The following TPMT variants were observed in gnomAD, a reference collection of about 807,000 sequenced individuals.
TPMT encodes S-adenosyl-L-methionine:thiopurine S-methyltransferase.
TPMT carries 18 observed loss-of-function variants against 34.2 expected under a neutral mutation model. The ratio of observed to expected loss-of-function variants is 0.53; its 90% CI spans 0.36 to 0.78. The LOEUF is 0.78. TPMT is among the 30% of genes least tolerant of loss of function. The pLI is 0.00. For missense variants in TPMT, 265 were observed against 288.1 expected, an observed-to-expected ratio of 0.92 and a Z score of 0.58; for synonymous variants, 69 against 92.4, an observed-to-expected ratio of 0.75 and a Z score of 1.45.
chr6:18,130,891 C>A lies in TPMT; in HGVS notation c.626-111G>T, dbSNP rs150972097. 2.1e-3 allele frequency: 1,766 copies of A among 824,628 alleles called. 17 individuals carry two copies. In the African/African-American group the frequency reaches 0.025, roughly 12 times the overall value. 51.1% of individuals were successfully genotyped at this position (824,628 alleles called of 1,614,324 possible). A position where few individuals can be genotyped will look rare whatever the true frequency, so the allele number is the denominator to read the frequency against. On this transcript the variant is annotated intron_variant, in intron 8 of 8. Coordinates refer to ENST00000309983, the MANE Select transcript of TPMT (RefSeq NM_000367.5). The surrounding 1 kb of genome is among the most constrained non-coding windows in gnomAD (Gnocchi z 4.2). ...CGGTGGCTCACACCTGTAATCCCAA[C>A]ACTTTGGGAGGCCGAGGCAGGTGGA...
At position 18,147,129 on chromosome 6, in the gene TPMT, C is replaced by A. The variant is rs1784262295; in HGVS notation, c.233+694G>T. 1.3e-5 allele frequency among the ~76,000 whole-genome samples: 2 copies of A among 151,388 alleles called. 1 individual carries two copies. Among genetic ancestry groups the A allele is most frequent in the South Asian group, 4.1e-4 (2 of 4,830 alleles). On this transcript the variant is annotated intron_variant, in intron 3 of 8. Coordinates refer to ENST00000309983, the MANE Select transcript of TPMT (RefSeq NM_000367.5). ...TTCATACATTCTTTTTTCTTTCCTG[C>A]TCAGTGGTCAAAGTTCTCAACATTC...
rs1031331359 is a variant in TPMT, at chr6:18,143,036, T to C, written c.366+560A>G. 2.6e-5 allele frequency among the ~76,000 whole-genome samples: 4 copies of C among 152,084 alleles called. No homozygotes were observed. The highest frequency in any genetic ancestry group is 9.7e-5 in the African/African-American group (4 of 41,414). On this transcript the variant is annotated intron_variant, in intron 4 of 8. Coordinates refer to ENST00000309983, the MANE Select transcript of TPMT (RefSeq NM_000367.5). This position sits in a 1 kb window ranked among gnomAD's most constrained non-coding sequence, Gnocchi z 6.1. ...TATGAGGCCTCATGGGTGATTTAAG[T>C]AGTATCTTCCCGAGGTGTCCAAGAC...
rs980203988 is a variant in TPMT at position 18,131,996 on chromosome 6, C to A, written c.625+137G>T. Reference sequence around the variant, plus strand: ...TTCGCCATGTTGGCCAGGCTGGTCTCGAACTCCTGGCCTCAGGTGATCTGC... The same window carrying A: ...TTCGCCATGTTGGCCAGGCTGGTCTAGAACTCCTGGCCTCAGGTGATCTGC... On this transcript the variant is annotated intron_variant, in intron 8 of 8. Transcript: ENST00000309983. This position sits in a 1 kb window ranked among gnomAD's most constrained non-coding sequence, Gnocchi z 4.3. The A allele has an allele frequency of 1.2e-6, 1 of 843,402 alleles. No homozygotes were observed. Among genetic ancestry groups the A allele is most frequent in the Admixed American group, 1.9e-5 (1 of 52,108 alleles). The allele number at this position is 843,402 out of a possible 1,614,324, so 52.2% of individuals were successfully genotyped here.
Position 18,130,834 on chromosome 6 carries a change from T to C in TPMT, c.626-54A>G. 2 of 1,489,414 alleles carry C rather than the reference T, an allele frequency of 1.3e-6. No individual in the cohort carries two copies. The allele number at this position is 1,489,414 out of a possible 1,614,324, so 92.3% of individuals were successfully genotyped here. A position where few individuals can be genotyped will look rare whatever the true frequency, so the allele number is the denominator to read the frequency against. Reference sequence around the variant, plus strand: ...ATACTATGAAGAATGACATCAGGGATTCTTTTAAAAATACTCAAAATTGGC... The same window carrying C: ...ATACTATGAAGAATGACATCAGGGACTCTTTTAAAAATACTCAAAATTGGC... On this transcript the variant is annotated intron_variant, in intron 8 of 8. Transcript: ENST00000309983. This position sits in a 1 kb window ranked among gnomAD's most constrained non-coding sequence, Gnocchi z 4.2.
At chr6:18,142,129 A>T (rs931135879) in intron 4 of TPMT, among the ~76,000 whole-genome samples, 2 of 152,032 alleles carry the variant, frequency 1.3e-5, no homozygotes, top group African/African-American at 4.8e-5. Context: ...CGGCGCTTCT[A>T]CACCTGGCAG....
At position 18,139,741 on chromosome 6, in the gene TPMT, A is replaced by AT; in HGVS notation, c.367-25_367-24insA. 4.3e-5 allele frequency: 61 copies of AT among 1,407,746 alleles called. No individual in the cohort carries two copies. Among genetic ancestry groups the AT allele is most frequent in the East Asian group, 1.6e-4 (6 of 37,708 alleles). 87.2% of individuals were successfully genotyped at this position (1,407,746 alleles called of 1,614,324 possible). On this transcript the variant is annotated intron_variant, in intron 4 of 8. Transcript: ENST00000309983. The surrounding 1 kb of genome is among the most constrained non-coding windows in gnomAD (Gnocchi z 4.2). Reference sequence around the variant, plus strand: ...CTCTGTAATGAAATAATGAAAAAAAAATTTTTTTTTTTTACTTAGTAAGTA... The same window carrying AT: ...CTCTGTAATGAAATAATGAAAAAAAATATTTTTTTTTTTTACTTAGTAAGTA...
chr6:18,144,757 G>A (rs900622570), intron 3 of TPMT, among the ~76,000 whole-genome samples: 1 of 149,328 alleles, frequency 6.7e-6, no homozygotes, highest in African/African-American at 2.5e-5. Context: ...ATCTCACTCT[G>A]TCAGCCAGGC....
At position 18,146,868 on chromosome 6, in the gene TPMT, A is replaced by C. The variant is rs1784255684; in HGVS notation, c.233+955T>G. Among the ~76,000 whole-genome samples, 1 of 152,188 alleles carries C rather than the reference A, an allele frequency of 6.6e-6. No homozygotes were observed. The highest frequency in any genetic ancestry group is 2.4e-5 in the African/African-American group (1 of 41,442). On this transcript the variant is annotated intron_variant, in intron 3 of 8. Transcript: ENST00000309983. This position sits in a 1 kb window ranked among gnomAD's most constrained non-coding sequence, Gnocchi z 6.2. ...TCTCTACTTGAAAATCAACTCCCAA[A>C]AAATGCATGCATACTCTGCGTTAGT...
Position 18,132,466 on chromosome 6 carries a change from T to C in TPMT, c.581-289A>G, listed in dbSNP as rs1252536409. On this transcript the variant is annotated intron_variant, in intron 7 of 8. Transcript: ENST00000309983. This position sits in a 1 kb window ranked among gnomAD's most constrained non-coding sequence, Gnocchi z 4.8. ...AGATTCCTTGGGGGTTTCAACCATC[T>C]TCTAGCATACTGATTTTCTACCAAC... Among the ~76,000 whole-genome samples, 1 of 152,128 alleles carries C rather than the reference T, an allele frequency of 6.6e-6. No individual in the cohort carries two copies. Among genetic ancestry groups the C allele is most frequent in the Non-Finnish European group, 1.5e-5 (1 of 68,030 alleles).
upstream of TPMT, chr6:18,155,153 C>CTTTCCCG (rs1561895604): frequency 5.6e-4 from 24 of 42,514 alleles, no homozygotes; most frequent in African/African-American, 2.1e-3. The surrounding 1 kb of genome is among the most constrained non-coding windows in gnomAD (Gnocchi z 6.2). Flanking sequence ...CGCCCCGCCT[C>CTTTCCCG]CGCCCGCGCC....
In TPMT at chr6:18,154,258, A is replaced by G. The variant is rs778603057; in HGVS notation, c.-45+775T>C. Among the ~76,000 whole-genome samples, 14 of 152,154 alleles carry G rather than the reference A, an allele frequency of 9.2e-5. No homozygotes were observed. The highest frequency in any genetic ancestry group is 2.1e-4 in the South Asian group (1 of 4,828). On this transcript the variant is annotated intron_variant, in intron 1 of 8. Coordinates refer to ENST00000309983, the MANE Select transcript of TPMT (RefSeq NM_000367.5). The surrounding 1 kb of genome is among the most constrained non-coding windows in gnomAD (Gnocchi z 4.2). ...TAATACAAAAAAAGTGCACATTACAAGAATTAAGGAAGGGAAATTTCACAA... is the reference window on the plus strand; with the variant it reads ...TAATACAAAAAAAGTGCACATTACAGGAATTAAGGAAGGGAAATTTCACAA...
At chr6:18,152,048 T>G (rs1242684770) in intron 1 of TPMT, among the ~76,000 whole-genome samples, 2 of 152,166 alleles carry the variant, frequency 1.3e-5, no homozygotes, top group African/African-American at 4.8e-5. Flanking sequence ...ATGTACACAC[T>G]TGGTTGCAAG....
rs1009288386 is a variant in TPMT at position 18,140,250 on chromosome 6, G to C, written c.367-533C>G. ...ATTCGACACAGTCTCTGACCACAGT[G>C]AGGACAGACTAGAGCAGAGAAGCGT... is the stretch of plus-strand genomic sequence containing the variant. On this transcript the variant is annotated intron_variant, in intron 4 of 8. Coordinates refer to ENST00000309983, the MANE Select transcript of TPMT (RefSeq NM_000367.5). This position sits in a 1 kb window ranked among gnomAD's most constrained non-coding sequence, Gnocchi z 4.7. Among the ~76,000 whole-genome samples the C allele has an allele frequency of 6.6e-6, 1 of 152,220 alleles. No homozygotes were observed. The highest frequency in any genetic ancestry group is 1.9e-4 in the East Asian group (1 of 5,204).
rs916629865 is a variant in TPMT at position 18,131,784 on chromosome 6, GT to G, written c.625+348del. On this transcript the variant is annotated intron_variant, in intron 8 of 8. Coordinates refer to ENST00000309983, the MANE Select transcript of TPMT (RefSeq NM_000367.5). This position sits in a 1 kb window ranked among gnomAD's most constrained non-coding sequence, Gnocchi z 4.3. ...CTAATATACTAATAGTTCACAATAGGTTTTTTTTTTTTAGATGGAGTCTCAC... is the reference window on the plus strand; with the variant it reads ...CTAATATACTAATAGTTCACAATAGGTTTTTTTTTTTAGATGGAGTCTCAC... Among the ~76,000 whole-genome samples, 461 of 144,714 alleles carry G rather than the reference GT, an allele frequency of 3.2e-3. 2 individuals are homozygous for G. Among genetic ancestry groups the G allele is most frequent in the African/African-American group, 8.7e-3 (345 of 39,856 alleles). 94.9% of individuals were successfully genotyped at this position (144,714 alleles called of 152,430 possible).
At position 18,132,126 on chromosome 6, in the gene TPMT, A is replaced by G; in HGVS notation, c.625+7T>C. ...TAAAAAGTTACAGCATAAGTCCACA[A>G]ACTTACCAAACAACCTTTCAATTTC... On this transcript the variant is annotated splice_region_variant and intron_variant, in intron 8 of 8. Coordinates refer to ENST00000309983, the MANE Select transcript of TPMT (RefSeq NM_000367.5). The surrounding 1 kb of genome is among the most constrained non-coding windows in gnomAD (Gnocchi z 4.8). 6.2e-7 allele frequency: 1 copy of G among 1,614,106 alleles called. No homozygotes were observed. The highest frequency in any genetic ancestry group is 8.5e-7 in the Non-Finnish European group (1 of 1,179,956).
Position 18,143,822 on chromosome 6 carries a change from A to G in TPMT, c.234-94T>C. 1 of 1,482,302 alleles carries G rather than the reference A, an allele frequency of 6.7e-7. No individual in the cohort carries two copies. The highest frequency in any genetic ancestry group is 1.4e-5 in the African/African-American group (1 of 71,598). The allele number at this position is 1,482,302 out of a possible 1,614,324, so 91.8% of individuals were successfully genotyped here. ...TAAGCATATATTTTCTTTAATTTAG[A>G]GGAATTTATATGAATTCAGGTTCAT... On this transcript the variant is annotated intron_variant, in intron 3 of 8. Coordinates refer to ENST00000309983, the MANE Select transcript of TPMT (RefSeq NM_000367.5). This position sits in a 1 kb window ranked among gnomAD's most constrained non-coding sequence, Gnocchi z 6.1.
At position 18,141,652 on chromosome 6, in the gene TPMT, T is replaced by G. The variant is rs1405242015; in HGVS notation, c.367-1935A>C. Among the ~76,000 whole-genome samples the G allele has an allele frequency of 2.0e-5, 3 of 152,088 alleles. No homozygotes were observed. The East Asian group carries it at 5.8e-4, about 29-fold the overall frequency. On this transcript the variant is annotated intron_variant, in intron 4 of 8. Transcript: ENST00000309983. ...ACCATGCCCAGCTGAGCAATTAATT[T>G]CAATATTTAGAAAAGAGTACTTTGT... is the stretch of plus-strand genomic sequence containing the variant.
Position 18,139,808 on chromosome 6 carries a change from C to A in TPMT, c.367-91G>T. 1 of 801,610 alleles carries A rather than the reference C, an allele frequency of 1.2e-6. No homozygotes were observed. Among genetic ancestry groups the A allele is most frequent in the Admixed American group, 2.4e-5 (1 of 41,690 alleles). The allele number at this position is 801,610 out of a possible 1,614,324, so 49.7% of individuals were successfully genotyped here. A position where few individuals can be genotyped will look rare whatever the true frequency, so the allele number is the denominator to read the frequency against. On this transcript the variant is annotated intron_variant, in intron 4 of 8. Transcript: ENST00000309983. The surrounding 1 kb of genome is among the most constrained non-coding windows in gnomAD (Gnocchi z 4.2). ...AAGAGGGCCAAGCAAAGCAAAAGTT[C>A]TAGGGAAAGAATGTGTTAATTAAAC... is the stretch of plus-strand genomic sequence containing the variant.
rs1487353819 is a variant in TPMT, at chr6:18,132,413, C to G, written c.581-236G>C. ...CTAAACCGGTCAAGGGACTTAGGCT[C>G]ATTGAAATCAGAGTGGATTCCATCA... On this transcript the variant is annotated intron_variant, in intron 7 of 8. Transcript: ENST00000309983. The surrounding 1 kb of genome is among the most constrained non-coding windows in gnomAD (Gnocchi z 4.8). Among the ~76,000 whole-genome samples, 2 of 152,152 alleles carry G rather than the reference C, an allele frequency of 1.3e-5. No individual in the cohort carries two copies. The highest frequency in any genetic ancestry group is 4.8e-5 in the African/African-American group (2 of 41,424).
Sources: allele counts gnomAD v4.1 joint callset (sites outside exome capture counted in the v4.1 genomes callset), GRCh38; gene constraint gnomAD v4.1.1; non-coding constraint Gnocchi (gnomAD v3.1); transcripts MANE v1.5; gene names NCBI Gene and HGNC (gene_info 2026-07-23, HGNC 2026-07-21).